The following MMP26 variants were observed in gnomAD, a reference collection of about 807,000 sequenced individuals.
MMP26 encodes matrix metalloproteinase-26.
Under a neutral mutation model 31.0 loss-of-function variants are expected in MMP26, and 33 were observed. The observed-to-expected ratio is 1.06, with a 90% CI of 0.81 to 1.42. The LOEUF (loss-of-function observed/expected upper bound fraction) is 1.42. Ranked by LOEUF, MMP26 falls within the 40% of genes most tolerant of loss-of-function variation. The pLI is 0.00. For synonymous variants in MMP26, 122 were observed against 114.9 expected, an observed-to-expected ratio of 1.06 and a Z score of -0.40; for missense variants, 347 against 316.1, an observed-to-expected ratio of 1.10 and a Z score of -0.74.
intron 1 of MMP26, among the ~76,000 whole-genome samples, chr11:4,717,483 C>G (rs1452979773): frequency 3.3e-5 from 5 of 150,476 alleles, no homozygotes; most frequent in Non-Finnish European, 4.4e-5. Context: ...GAGATATTAA[C>G]CAGTGGATAT....
At chr11:4,962,597 T>C (rs1048317785) in intron 2 of MMP26, among the ~76,000 whole-genome samples, 3 of 152,170 alleles carry the variant, frequency 2.0e-5, no homozygotes, top group Admixed American at 2.0e-4. Flanking sequence ...AGTAATTCTA[T>C]AATTCAGGAA....
chr11:4,930,467 A>T (rs1260864273), intron 2 of MMP26, among the ~76,000 whole-genome samples: 1 of 152,018 alleles, frequency 6.6e-6, no homozygotes, highest in South Asian at 2.1e-4. Flanking sequence ...TTTTCGAGCC[A>T]TCTTTGCTCA....
At chr11:4,935,868 C>G (rs1262321662) in intron 2 of MMP26, among the ~76,000 whole-genome samples, 2 of 150,214 alleles carry the variant, frequency 1.3e-5, no homozygotes, top group Non-Finnish European at 3.0e-5. Flanking sequence ...TGTTTATATG[C>G]TGGATTACAT....
chr11:4,951,487 T>C lies in MMP26; in HGVS notation c.-144-36581T>C, dbSNP rs564771040. Among the ~76,000 whole-genome samples, 27 of 125,032 alleles carry C rather than the reference T, an allele frequency of 2.2e-4. 9 individuals carry two copies. The allele number at this position is 125,032 out of a possible 152,430, so 82.0% of individuals were successfully genotyped here. On this transcript the variant is annotated intron_variant, in intron 2 of 7. Coordinates refer to ENST00000380390, the MANE Select transcript of MMP26 (RefSeq NM_021801.5). ...TAGTGATCATTTTTTGTAAATAATA[T>C]TTTTGTTATTATTGTTTCTCACTGA...
At chr11:4,724,221 TG>T in intron 1 of MMP26, 1 of 475,736 alleles carries the variant, frequency 2.1e-6, no homozygotes, top group Non-Finnish European at 3.8e-6. Flanking sequence ...ACCAGGTGGA[TG>T]GGCCTTTGAT....
At chr11:4,722,789 G>T (rs926807814) in intron 1 of MMP26, 3 of 996,880 alleles carry the variant, frequency 3.0e-6, no homozygotes, top group South Asian at 1.3e-5. Context: ...CGTGGGTCTC[G>T]ATATTCTTCA....
At chr11:4,979,399 C>T (rs776066440) in intron 2 of MMP26, among the ~76,000 whole-genome samples, 25 of 152,114 alleles carry the variant, frequency 1.6e-4, no homozygotes, top group Non-Finnish European at 3.5e-4. Flanking sequence ...GTTTGAGTAA[C>T]TACACTGGTG....
chr11:4,941,441 A>G (rs1846204461), intron 2 of MMP26, among the ~76,000 whole-genome samples: 1 of 152,206 alleles, frequency 6.6e-6, no homozygotes, highest in Non-Finnish European at 1.5e-5. Context: ...TAAATACACA[A>G]ACACATACGG....
chr11:4,974,077 C>A (rs60536747), intron 2 of MMP26, among the ~76,000 whole-genome samples: 3 of 150,910 alleles, frequency 2.0e-5, no homozygotes, highest in Admixed American at 6.6e-5. Flanking sequence ...AACAAAAAAC[C>A]GAGAAAAAAT....
intron 2 of MMP26, chr11:4,890,544 C>G (rs17330155): frequency 0.31 from 47,751 of 152,382 alleles, 8,718 homozygotes; most frequent in Non-Finnish European, 0.41. Context: ...CCCTGGTATT[C>G]CAATCAGAAA....
At chr11:4,843,993 G>T (rs1273014557) in intron 2 of MMP26, among the ~76,000 whole-genome samples, 2 of 152,060 alleles carry the variant, frequency 1.3e-5, no homozygotes, top group Admixed American at 6.5e-5. Context: ...AAGGTTTTTT[G>T]AAAAGTTAAA....
chr11:4,804,568 A>G, intron 2 of MMP26: 1 of 772,290 alleles, frequency 1.3e-6, no homozygotes, highest in Middle Eastern at 2.3e-4. Flanking sequence ...ACATGACATG[A>G]TGTTACTGTT....
At chr11:4,864,516 G>A (rs949643053) in intron 2 of MMP26, among the ~76,000 whole-genome samples, 5 of 152,280 alleles carry the variant, frequency 3.3e-5, no homozygotes, top group Admixed American at 6.5e-5. Flanking sequence ...TCATATGGCC[G>A]AAGGTTATTC....
chr11:4,990,515 C>T, intron 4 of MMP26, 83 bp from the exon 5 acceptor site: 1 of 1,320,128 alleles, frequency 7.6e-7, no homozygotes, highest in Non-Finnish European at 1.0e-6. Context: ...AAATGATTCT[C>T]CCCAAAGTAG....
At chr11:4,789,592 T>C (rs554319061) in intron 2 of MMP26, among the ~76,000 whole-genome samples, 1 of 127,572 alleles carries the variant, frequency 7.8e-6, no homozygotes. Flanking sequence ...CCAGGCTGGA[T>C]TGCAGTAGCA....
intron 1 of MMP26, among the ~76,000 whole-genome samples, chr11:4,764,596 C>T (rs564750516): frequency 5.9e-5 from 9 of 152,154 alleles, no homozygotes; most frequent in African/African-American, 1.2e-4. Context: ...CTGGGCAGGG[C>T]GCAGTGGTTC....
At chr11:4,890,583 T>A (rs1031625235) in intron 2 of MMP26, 4 of 152,176 alleles carry the variant, frequency 2.6e-5, no homozygotes, top group Admixed American at 6.6e-5. Flanking sequence ...TTCAGAAGAA[T>A]TGGGAAGGTG....
At chr11:4,964,639 T>C (rs565773263) in intron 2 of MMP26, among the ~76,000 whole-genome samples, 2 of 152,236 alleles carry the variant, frequency 1.3e-5, no homozygotes, top group Middle Eastern at 3.4e-3. Flanking sequence ...TGCAGTACCA[T>C]TCATAATAGC....
chr11:4,830,960 A>G (rs1849638475), intron 2 of MMP26, among the ~76,000 whole-genome samples: 1 of 152,206 alleles, frequency 6.6e-6, no homozygotes. Flanking sequence ...AACAGGTACA[A>G]ATGGCATCTA....
Sources: gnomAD v4.1 joint callset for allele counts (sites outside exome capture counted in the v4.1 genomes callset) on GRCh38, gnomAD v4.1.1 for gene constraint, MANE v1.5 for transcripts, NCBI Gene and HGNC (gene_info 2026-07-23, HGNC 2026-07-21) for gene names.